Variants in MAF observed in about 807,000 individuals in gnomAD.
The protein encoded by MAF is transcription factor Maf.
In MAF, 10 loss-of-function variants were observed where a neutral mutation model predicts 22.0. That is an observed-to-expected ratio of 0.45 (90% CI 0.28 to 0.77). MAF has a LOEUF of 0.77. MAF is among the 30% of genes least tolerant of loss of function. MAF has a pLI of 0.12. For synonymous variants in MAF, 337 were observed against 255.8 expected (o/e 1.32, Z -3.03); for missense variants, 544 against 548.4 (o/e 0.99, Z 0.08).
chr16:79,317,679 G>A, the MAF span, among the ~76,000 whole-genome samples: 1 of 152,134 alleles, frequency 6.6e-6, no homozygotes, highest in Non-Finnish European at 1.5e-5. Context: ...ACAGCCTAGG[G>A]TGGAGGCAGA....
the MAF span, among the ~76,000 whole-genome samples, chr16:79,227,069 G>A: frequency 6.6e-6 from 1 of 152,024 alleles, no homozygotes; most frequent in Non-Finnish European, 1.5e-5. Context: ...CAAAATAACT[G>A]GCTGGGCCAG....
chr16:79,541,055 T>A, the MAF span, among the ~76,000 whole-genome samples: 1 of 152,264 alleles, frequency 6.6e-6, no homozygotes, highest in South Asian at 2.1e-4. Flanking sequence ...CTACCATTAC[T>A]ACTATTGACA....
the MAF span, among the ~76,000 whole-genome samples, chr16:79,257,715 T>C: frequency 6.6e-6 from 1 of 152,222 alleles, no homozygotes; most frequent in Non-Finnish European, 1.5e-5. Flanking sequence ...GTAATTTGTG[T>C]GCAGGATAGA....
chr16:79,501,075 G>A, the MAF span, among the ~76,000 whole-genome samples: 1 of 152,140 alleles, frequency 6.6e-6, no homozygotes, highest in Non-Finnish European at 1.5e-5. Flanking sequence ...CAACAGAAAT[G>A]TATTCCCTCC....
At chr16:79,236,003 A>G in the MAF span, among the ~76,000 whole-genome samples, 1 of 152,026 alleles carries the variant, frequency 6.6e-6, no homozygotes, top group African/African-American at 2.4e-5. Flanking sequence ...CCTATTCCAC[A>G]GTCATATCCT....
chr16:79,433,924 T>C, the MAF span, among the ~76,000 whole-genome samples: 17 of 152,330 alleles, frequency 1.1e-4, no homozygotes, highest in Admixed American at 6.5e-5. Flanking sequence ...TTCCTTTAGA[T>C]GGGACATAGG....
the MAF span, among the ~76,000 whole-genome samples, chr16:79,478,997 C>G: frequency 6.6e-6 from 1 of 151,458 alleles, no homozygotes; most frequent in African/African-American, 2.4e-5. Flanking sequence ...ACCTGTATAG[C>G]ATCCTAGTGC....
the MAF span, among the ~76,000 whole-genome samples, chr16:79,526,728 A>G: frequency 6.6e-6 from 1 of 152,148 alleles, no homozygotes. Context: ...GCATTTGTTC[A>G]TTTCTGTGGT....
At chr16:79,277,424 A>C in the MAF span, among the ~76,000 whole-genome samples, 2 of 152,230 alleles carry the variant, frequency 1.3e-5, no homozygotes, top group Non-Finnish European at 2.9e-5. Flanking sequence ...GGGTCAACCC[A>C]TATGGAATTG....
the MAF span, among the ~76,000 whole-genome samples, chr16:79,361,463 T>C: frequency 2.0e-5 from 3 of 152,166 alleles, no homozygotes; most frequent in Non-Finnish European, 4.4e-5. Context: ...TGATTAGTAA[T>C]AAGAACATAG....
chr16:79,475,857 G>A, the MAF span, among the ~76,000 whole-genome samples: 1 of 152,284 alleles, frequency 6.6e-6, no homozygotes, highest in East Asian at 1.9e-4. Flanking sequence ...GACGACCCCT[G>A]TGTGGCCTGT....
chr16:79,369,151 T>G, the MAF span, among the ~76,000 whole-genome samples: 4 of 152,232 alleles, frequency 2.6e-5, no homozygotes, highest in Non-Finnish European at 5.9e-5. Flanking sequence ...GCTTTGCAAA[T>G]GAGGCAACTA....
chr16:79,511,505 T>A, the MAF span, among the ~76,000 whole-genome samples: 2 of 152,132 alleles, frequency 1.3e-5, no homozygotes, highest in Non-Finnish European at 2.9e-5. Context: ...CATTGCTGCA[T>A]TTAACAAATT....
At chr16:79,561,015 G>A in the MAF span, among the ~76,000 whole-genome samples, 1 of 152,174 alleles carries the variant, frequency 6.6e-6, no homozygotes, top group Admixed American at 6.5e-5. Flanking sequence ...ATGCTGTCCT[G>A]CCGTCTACAG....
chr16:79,550,181 G>A, the MAF span, among the ~76,000 whole-genome samples: 2 of 152,068 alleles, frequency 1.3e-5, no homozygotes, highest in Non-Finnish European at 2.9e-5. Context: ...AACCCCCCTG[G>A]CTTGATGAAT....
the MAF span, among the ~76,000 whole-genome samples, chr16:79,403,254 T>C: frequency 0.012 from 1,769 of 152,310 alleles, 36 homozygotes; most frequent in African/African-American, 0.041. Flanking sequence ...CTCTGTTCCA[T>C]TCAGCTCCCG....
At chr16:79,546,737 G>A in the MAF span, among the ~76,000 whole-genome samples, 1 of 152,040 alleles carries the variant, frequency 6.6e-6, no homozygotes, top group African/African-American at 2.4e-5. Flanking sequence ...CTATAAATGG[G>A]AAAAATAAGA....
At chr16:79,241,678 A>C in the MAF span, among the ~76,000 whole-genome samples, 43 of 152,196 alleles carry the variant, frequency 2.8e-4, no homozygotes, top group African/African-American at 9.6e-4. Context: ...ATTCAAATTC[A>C]GGAAATACGG....
At chr16:79,306,281 C>T in the MAF span, among the ~76,000 whole-genome samples, 1,546 of 152,318 alleles carry the variant, frequency 0.01, 16 homozygotes, top group Non-Finnish European at 0.011. Flanking sequence ...TTTTCCCATT[C>T]TAAATCTCTG....
Sources: gnomAD v4.1 joint callset for allele counts (sites outside exome capture counted in the v4.1 genomes callset) on GRCh38, gnomAD v4.1.1 for gene constraint, MANE v1.5 for transcripts, NCBI Gene and HGNC (gene_info 2026-07-23, HGNC 2026-07-21) for gene names.